POU2F3: variants seen among roughly 807,000 people sequenced by gnomAD.
POU2F3 encodes POU class 2 homeobox 3.
Under a neutral mutation model 59.2 loss-of-function variants are expected in POU2F3, and 23 were observed. The ratio of observed to expected loss-of-function variants is 0.39; its 90% confidence interval spans 0.28 to 0.55. The LOEUF (loss-of-function observed/expected upper bound fraction) is 0.55. Among genes scored for constraint, POU2F3 ranks in the 20% least tolerant of loss-of-function variants. The pLI is 0.66. For missense variants in POU2F3, 473 were observed against 544.5 expected (o/e 0.87, Z 1.31); for synonymous variants, 190 against 214.6 (o/e 0.89, Z 1.00).
chr11:120,312,516 G>A (rs1941676852), intron 10 of POU2F3, among the ~76,000 whole-genome samples: 1 of 152,198 alleles, frequency 6.6e-6, no homozygotes, highest in Non-Finnish European at 1.5e-5. Context: ...TAAAATTAGA[G>A]GGGCTGATGA....
At chr11:120,314,167 T>C (rs1199347572) in intron 10 of POU2F3, among the ~76,000 whole-genome samples, 2 of 152,232 alleles carry the variant, frequency 1.3e-5, no homozygotes, top group African/African-American at 2.4e-5. Flanking sequence ...CCCAGCCTAC[T>C]GAGGAGGCTC....
upstream of POU2F3, chr11:120,236,698 G>A (rs752740354): frequency 2.5e-5 from 37 of 1,502,152 alleles, no homozygotes; most frequent in Middle Eastern, 1.7e-4. Flanking sequence ...AACTGCTAAA[G>A]GAGGAAGGGG....
intron 3 of POU2F3, among the ~76,000 whole-genome samples, chr11:120,287,259 A>C (rs1940816438): frequency 6.6e-6 from 1 of 152,196 alleles, no homozygotes; most frequent in Non-Finnish European, 1.5e-5. Context: ...CCTTTGGGAA[A>C]TCATTTGACT....
intron 3 of POU2F3, among the ~76,000 whole-genome samples, chr11:120,286,651 A>C (rs1228705503): frequency 6.6e-6 from 1 of 152,172 alleles, no homozygotes; most frequent in Admixed American, 6.5e-5. Flanking sequence ...ATTATGTCAC[A>C]CTGTCAACTT....
chr11:120,239,037 G>A (rs1195521463), upstream of POU2F3, among the ~76,000 whole-genome samples: 2 of 152,096 alleles, frequency 1.3e-5, no homozygotes, highest in South Asian at 2.1e-4. Flanking sequence ...GGGTGTTATC[G>A]TGGGCATGAC....
intron 3 of POU2F3, among the ~76,000 whole-genome samples, chr11:120,272,484 T>C (rs2135204340): frequency 6.6e-6 from 1 of 152,270 alleles, no homozygotes; most frequent in South Asian, 2.1e-4. Context: ...AAAGAATGGT[T>C]GTGTAGGAGC....
intron 10 of POU2F3, among the ~76,000 whole-genome samples, chr11:120,315,122 C>A (rs1484294932): frequency 6.6e-6 from 1 of 152,214 alleles, no homozygotes; most frequent in East Asian, 1.9e-4. Flanking sequence ...TTGTCAGGGG[C>A]TGGAGGGCCC....
rs1353262214 is a variant in POU2F3, at chr11:120,274,091, GGAAGGAAGGAAGGAAGA to G, written c.132+4848_132+4864del. On this transcript the variant is annotated intron_variant, in intron 3 of 12. Transcript: ENST00000543440. ...AAAGAAAGAAAAAGAGAGAAAGAAA[GGAAGGAAGGAAGGAAGA>G]AAGGAAGGAAGGAAGGAAGGAAGGA... is the stretch of plus-strand genomic sequence containing the variant. Among the ~76,000 whole-genome samples the G allele has an allele frequency of 8.0e-3, 712 of 88,866 alleles. 9 individuals carry two copies. The highest frequency in any genetic ancestry group is 0.033 in the African/African-American group (672 of 20,446). 58.3% of individuals were successfully genotyped at this position (88,866 alleles called of 152,430 possible).
At chr11:120,267,057 T>C (rs1017424883) in intron 2 of POU2F3, among the ~76,000 whole-genome samples, 3 of 152,150 alleles carry the variant, frequency 2.0e-5, no homozygotes, top group African/African-American at 7.2e-5. Flanking sequence ...AAAAGCAATT[T>C]TACCTTCATC....
At chr11:120,300,598 C>T (rs1821039445) in intron 5 of POU2F3, among the ~76,000 whole-genome samples, 1 of 151,936 alleles carries the variant, frequency 6.6e-6, no homozygotes, top group Non-Finnish European at 1.5e-5. Flanking sequence ...ACTCTGTCTC[C>T]ACTAAAAATA....
chr11:120,282,097 C>T (rs940523855), intron 3 of POU2F3, among the ~76,000 whole-genome samples: 3 of 152,164 alleles, frequency 2.0e-5, no homozygotes, highest in Admixed American at 1.3e-4. Flanking sequence ...CTGGTTCCTC[C>T]GTTTCCAGAT....
chr11:120,302,169 A>G, intron 5 of POU2F3, 117 bp from the exon 6 acceptor site: 2 of 816,896 alleles, frequency 2.4e-6, no homozygotes, highest in South Asian at 1.7e-5. Flanking sequence ...GGGTGGAGGG[A>G]CCTGATCAGG....
rs781092181 is a variant in POU2F3, at chr11:120,298,248, C to T, written c.133-17C>T. The T allele has an allele frequency of 2.5e-6, 4 of 1,607,374 alleles. No homozygotes were observed. In the African/African-American group the frequency reaches 5.4e-5, roughly 22 times the overall value. ...CGGGATCCAGCACTGACGCTCTCCT[C>T]TTGCTTCCACTTGCAGATTAAAACC... On this transcript the variant is annotated splice_polypyrimidine_tract_variant and intron_variant, in intron 3 of 12. Coordinates refer to ENST00000543440, the MANE Select transcript of POU2F3 (RefSeq NM_014352.4).
At chr11:120,269,064 CGAG>C in intron 2 of POU2F3, 143 bp from the exon 3 acceptor site, 4 of 583,656 alleles carry the variant, frequency 6.9e-6, no homozygotes, top group Non-Finnish European at 1.2e-5. Flanking sequence ...GGAAACAGGT[CGAG>C]GAGGAGGATC....
At position 120,318,455 on chromosome 11, in the gene POU2F3, C is replaced by A; in HGVS notation, c.*63C>A. The A allele has an allele frequency of 1.4e-6, 2 of 1,460,044 alleles. No homozygotes were observed. The highest frequency in any genetic ancestry group is 1.9e-6 in the Non-Finnish European group (2 of 1,040,114). The allele number at this position is 1,460,044 out of a possible 1,614,324, so 90.4% of individuals were successfully genotyped here. The stretch of plus-strand genomic sequence containing the variant: ...TCCCCCTGGAAGGAAGGGAATCATG[C>A]CTTCTATATACAGACAGATTGCCTT... On this transcript the variant is annotated 3_prime_UTR_variant, in exon 13 of 13. Coordinates refer to ENST00000543440, the MANE Select transcript of POU2F3 (RefSeq NM_014352.4).
intron 10 of POU2F3, among the ~76,000 whole-genome samples, chr11:120,313,552 T>C (rs1307365899): frequency 6.6e-6 from 1 of 152,220 alleles, no homozygotes; most frequent in Non-Finnish European, 1.5e-5. Context: ...AATAAAATGA[T>C]TAGCAGGTAG....
intron 3 of POU2F3, among the ~76,000 whole-genome samples, chr11:120,284,404 G>A (rs1940700665): frequency 6.6e-6 from 1 of 152,142 alleles, no homozygotes; most frequent in African/African-American, 2.4e-5. Flanking sequence ...CAAATAGAGT[G>A]TGGAGTGGGC....
chr11:120,237,352 C>T (rs562125287), upstream of POU2F3, among the ~76,000 whole-genome samples: 1 of 152,238 alleles, frequency 6.6e-6, no homozygotes, highest in Non-Finnish European at 1.5e-5. Flanking sequence ...CCCGTTCATC[C>T]TCCTACCTCC....
chr11:120,236,678 A>G (rs749752799), upstream of POU2F3: 5 of 1,504,898 alleles, frequency 3.3e-6, no homozygotes, highest in South Asian at 4.8e-5. Flanking sequence ...GGTTTCATGG[A>G]GTCTCCAAGA....
Sources: allele counts gnomAD v4.1 joint callset (sites outside exome capture counted in the v4.1 genomes callset), GRCh38; gene constraint gnomAD v4.1.1; transcripts MANE v1.5; gene names NCBI Gene and HGNC (gene_info 2026-07-23, HGNC 2026-07-21).